GJC3: variants seen among roughly 807,000 people sequenced by gnomAD.
GJC3 encodes gap junction gamma-3 protein.
In GJC3, 17 loss-of-function variants were observed where a neutral mutation model predicts 19.8. The observed-to-expected ratio is 0.86, with a 90% CI of 0.59 to 1.29. The LOEUF (loss-of-function observed/expected upper bound fraction) is 1.29. Among genes scored for constraint, GJC3 ranks in the 50% most tolerant of loss-of-function variants. The pLI, the probability that GJC3 is intolerant of heterozygous loss-of-function variation, is 0.00. For missense variants in GJC3, 317 were observed against 332.5 expected (o/e 0.95, Z 0.36); for synonymous variants, 140 against 136.5 (o/e 1.03, Z -0.18).
chr7:99,928,942 A>AAG lies in GJC3; in HGVS notation c.677_678dup (p.Ser227LeufsTer8). On this transcript the variant is annotated frameshift_variant, in exon 1 of 2. Transcript: ENST00000312891. LOFTEE classifies it high-confidence loss of function. ...GAAGTTAGGAAGTATTTAGAAGAGG[A>AAG]AGATTTGTGCTTCCAGGTCCTCCAC... The AAG allele has an allele frequency of 1.2e-6, 2 of 1,614,182 alleles. No homozygotes were observed. The highest frequency in any genetic ancestry group is 2.7e-5 in the African/African-American group (2 of 75,038).
rs751167024 is a variant in GJC3, at chr7:99,929,457, G to C, written c.164C>G (p.Thr55Ser). The change falls in exon 1 of 2, where the codon ACC (threonine) becomes AGC (serine). Residue 55 changes from threonine to serine, a missense_variant. Coordinates refer to ENST00000312891, the MANE Select transcript of GJC3 (RefSeq NM_181538.3). ...GGCAGCCTTGCAGCCCGGCTGCTGG[G>C]TGTGACACACGAATTCACTCTGCTC... ...GDEQSEFVCHTQQPGCKAACF... is the reference protein window; with the variant it reads ...GDEQSEFVCHSQQPGCKAACF... 1 of 1,613,640 alleles carries C rather than the reference G, an allele frequency of 6.2e-7. No individual in the cohort carries two copies. Among genetic ancestry groups the C allele is most frequent in the Non-Finnish European group, 8.5e-7 (1 of 1,179,610 alleles).
upstream of GJC3, among the ~76,000 whole-genome samples, chr7:99,930,569 A>G (rs1379633001): frequency 2.6e-5 from 4 of 152,138 alleles, no homozygotes; most frequent in Non-Finnish European, 5.9e-5. Context: ...TGCCTTCCCC[A>G]ATGCCCAGCA....
chr7:99,923,437 G>A lies in GJC3; in HGVS notation c.*108C>T. ...CAAGGCAGCGCAGTCCCAGTTGTCGGTTATGCTGCTACATATGTCACATGT... is the reference window on the plus strand; with the variant it reads ...CAAGGCAGCGCAGTCCCAGTTGTCGATTATGCTGCTACATATGTCACATGT... On this transcript the variant is annotated 3_prime_UTR_variant, in exon 2 of 2. Coordinates refer to ENST00000312891, the MANE Select transcript of GJC3 (RefSeq NM_181538.3). The A allele has an allele frequency of 2.6e-6, 2 of 774,886 alleles. No homozygotes were observed. The highest frequency in any genetic ancestry group is 4.9e-5 in the East Asian group (2 of 41,150). The allele number at this position is 774,886 out of a possible 1,614,324, so 48.0% of individuals were successfully genotyped here. A position where few individuals can be genotyped will look rare whatever the true frequency, so the allele number is the denominator to read the frequency against.
intron 1 of GJC3, among the ~76,000 whole-genome samples, chr7:99,926,041 A>G (rs1219273350): frequency 6.6e-6 from 1 of 152,204 alleles, no homozygotes; most frequent in Non-Finnish European, 1.5e-5. Flanking sequence ...TTTACACAAC[A>G]CTAAAACTGG....
At position 99,924,385 on chromosome 7, in the gene GJC3, C is replaced by T. The variant is rs943639771; in HGVS notation, c.782-782G>A. Among the ~76,000 whole-genome samples, 3 of 152,088 alleles carry T rather than the reference C, an allele frequency of 2.0e-5. No individual in the cohort carries two copies. The South Asian group carries it at 6.2e-4, about 31-fold the overall frequency. On this transcript the variant is annotated intron_variant, in intron 1 of 1. Coordinates refer to ENST00000312891, the MANE Select transcript of GJC3 (RefSeq NM_181538.3). The stretch of plus-strand genomic sequence containing the variant: ...GGTGGATCACCTGAGGTCAGGAGTT[C>T]GAGACCAGCTTGGCCGACATGGTGA...
Position 99,923,364 on chromosome 7 carries a change from G to A in GJC3, c.*181C>T. On this transcript the variant is annotated 3_prime_UTR_variant, in exon 2 of 2. Coordinates refer to ENST00000312891, the MANE Select transcript of GJC3 (RefSeq NM_181538.3). The stretch of plus-strand genomic sequence containing the variant: ...CCTCCCTGAGCAATGGTGCAAACAT[G>A]GCTTTTATTAGTCTGGTTAGCTGAG... 1.5e-6 allele frequency: 1 copy of A among 662,140 alleles called. No individual in the cohort carries two copies. Among genetic ancestry groups the A allele is most frequent in the Non-Finnish European group, 2.8e-6 (1 of 363,612 alleles). 41.0% of individuals were successfully genotyped at this position (662,140 alleles called of 1,614,324 possible). A position where few individuals can be genotyped will look rare whatever the true frequency, so the allele number is the denominator to read the frequency against.
upstream of GJC3, chr7:99,929,724 C>T: frequency 9.4e-7 from 1 of 1,063,906 alleles, no homozygotes. Flanking sequence ...TGAAGGCAAG[C>T]TTTTTTATTC....
upstream of GJC3, chr7:99,929,706 A>G (rs1819869671): frequency 1.7e-5 from 23 of 1,351,324 alleles, no homozygotes; most frequent in South Asian, 2.7e-4. Flanking sequence ...TCCTAATCCA[A>G]GGATCACTGA....
chr7:99,929,249 A>T lies in GJC3; in HGVS notation c.372T>A (p.Asp124Glu). 6.2e-7 allele frequency: 1 copy of T among 1,614,162 alleles called. No homozygotes were observed. Among genetic ancestry groups the T allele is most frequent in the South Asian group, 1.1e-5 (1 of 91,080 alleles). ...TLIQGREGNT[D>E]VPGAGSLRLL... ...GCCTGAGGCTTCCAGCCCCTGGGAC[A>T]TCTGTGTTGCCCTCCCGTCCCTGGA... is the stretch of plus-strand genomic sequence containing the variant. Residue 124 changes from aspartate (D) to glutamate (E), a missense_variant, in exon 1 of 2, where the codon GAT (aspartate) becomes GAA (glutamate). Coordinates refer to ENST00000312891, the MANE Select transcript of GJC3 (RefSeq NM_181538.3).
chr7:99,924,309 G>C (rs1819747786), intron 1 of GJC3, among the ~76,000 whole-genome samples: 1 of 152,136 alleles, frequency 6.6e-6, no homozygotes, highest in South Asian at 2.1e-4. Flanking sequence ...GGAGTAGTTG[G>C]TGGGCACGGT....
At position 99,928,883 on chromosome 7, in the gene GJC3, A is replaced by G. The variant is rs780997782; in HGVS notation, c.738T>C (p.Asp246=). 12 of 1,614,042 alleles carry G rather than the reference A, an allele frequency of 7.4e-6. No individual in the cohort carries two copies. In the African/African-American group the frequency reaches 1.6e-4, roughly 22 times the overall value. ...ESTRRHKKAT[D]SLPVVETKEQ... is the part of the protein sequence containing the mutation. ...CTTTGGTTTCCACCACTGGGAGGCT[A>G]TCGGTTGCTTTCTTGTGTCTTCTGG... Residue 246 remains aspartate, a synonymous_variant, in exon 1 of 2, where the codon GAT becomes GAC. Coordinates refer to ENST00000312891, the MANE Select transcript of GJC3 (RefSeq NM_181538.3).
intron 1 of GJC3, among the ~76,000 whole-genome samples, chr7:99,925,634 C>T (rs1352302219): frequency 6.6e-6 from 1 of 152,106 alleles, no homozygotes; most frequent in Non-Finnish European, 1.5e-5. Flanking sequence ...ATCATACATA[C>T]AATAAGTATC....
upstream of GJC3, chr7:99,929,681 A>C (rs974121642): frequency 2.4e-5 from 36 of 1,497,246 alleles, no homozygotes; most frequent in Non-Finnish European, 3.3e-5. Context: ...AGGGAGCTCC[A>C]GTCCACCTTG....
chr7:99,927,978 A>G (rs1367570228), intron 1 of GJC3, among the ~76,000 whole-genome samples: 1 of 152,266 alleles, frequency 6.6e-6, no homozygotes, highest in African/African-American at 2.4e-5. Flanking sequence ...CTGAATTCAC[A>G]GTAATTTTCC....
chr7:99,928,461 C>G (rs188510406), intron 1 of GJC3, among the ~76,000 whole-genome samples: 108 of 152,342 alleles, frequency 7.1e-4, no homozygotes, highest in Non-Finnish European at 1.4e-3. Context: ...AAAGAAGATT[C>G]AATCACAGAG....
rs138596912 is a variant in GJC3, at chr7:99,929,266, G to C, written c.355C>G (p.Arg119Gly). 7 of 1,614,102 alleles carry C rather than the reference G, an allele frequency of 4.3e-6. No homozygotes were observed. In the East Asian group the frequency reaches 1.6e-4, roughly 36 times the overall value. The change falls in exon 1 of 2, where the codon CGG becomes GGG. Residue 119 changes from arginine to glycine, a missense_variant. Coordinates refer to ENST00000312891, the MANE Select transcript of GJC3 (RefSeq NM_181538.3). ...CCTGGGACATCTGTGTTGCCCTCCC[G>C]TCCCTGGATCAGGGTCTCCTCCTCC... is the stretch of plus-strand genomic sequence containing the variant. ...GKEEETLIQG[R>G]EGNTDVPGAG...
chr7:99,924,316 C>T (rs531101012), intron 1 of GJC3, among the ~76,000 whole-genome samples: 8 of 152,274 alleles, frequency 5.3e-5, no homozygotes, highest in South Asian at 2.1e-4. Flanking sequence ...TTGGTGGGCA[C>T]GGTGGCTCAC....
At chr7:99,929,836 T>C, upstream of GJC3, 2 of 609,394 alleles carry the variant, frequency 3.3e-6, no homozygotes, top group Non-Finnish European at 5.8e-6. Flanking sequence ...GTGTGTGTGG[T>C]GTGGCTCTCT....
chr7:99,924,082 T>C (rs1039383911), intron 1 of GJC3, among the ~76,000 whole-genome samples: 3 of 152,160 alleles, frequency 2.0e-5, no homozygotes, highest in African/African-American at 7.2e-5. Flanking sequence ...ATACAAAGAA[T>C]AGCCCCATGG....
Sources: allele counts gnomAD v4.1 joint callset (sites outside exome capture counted in the v4.1 genomes callset), GRCh38; gene constraint gnomAD v4.1.1; transcripts MANE v1.5; gene names NCBI Gene and HGNC (gene_info 2026-07-23, HGNC 2026-07-21).